The following C12orf42 variants were observed in gnomAD, a reference collection of about 807,000 sequenced individuals.
C12orf42 encodes chromosome 12 open reading frame 42, also known as uncharacterized protein C12orf42.
In C12orf42, 25 loss-of-function variants were observed where a neutral mutation model predicts 21.6. That is an observed-to-expected ratio of 1.16 (90% CI 0.84 to 1.62). C12orf42 has a LOEUF of 1.62. C12orf42 is among the 40% of genes most tolerant of loss of function. The probability of loss-of-function intolerance (pLI) is 0.00; values close to 1 mark genes in which losing one functional copy is unlikely to be tolerated. For missense variants in C12orf42, 483 were observed against 459.3 expected (o/e 1.05, Z -0.47); for synonymous variants, 174 against 175.0 (o/e 0.99, Z 0.05).
chr12:103,104,016 A>G, the C12orf42 span, among the ~76,000 whole-genome samples: 1 of 152,202 alleles, frequency 6.6e-6, no homozygotes, highest in African/African-American at 2.4e-5. Flanking sequence ...CCCAGCTTAT[A>G]TACATCATTT....
the C12orf42 span, among the ~76,000 whole-genome samples, chr12:103,166,882 G>T: frequency 6.6e-6 from 1 of 152,006 alleles, no homozygotes; most frequent in African/African-American, 2.4e-5. Context: ...ATAGAGCTTG[G>T]CACTTAGTAA....
the C12orf42 span, among the ~76,000 whole-genome samples, chr12:103,202,135 C>G: frequency 1.3e-5 from 2 of 152,168 alleles, no homozygotes; most frequent in African/African-American, 2.4e-5. Context: ...TTCTCTAAAC[C>G]TACGATTTCC....
the C12orf42 span, among the ~76,000 whole-genome samples, chr12:103,072,454 A>G: frequency 6.6e-6 from 1 of 152,258 alleles, no homozygotes; most frequent in African/African-American, 2.4e-5. Context: ...TAAAAAAAAA[A>G]AAGAAAATAC....
the C12orf42 span, among the ~76,000 whole-genome samples, chr12:103,519,868 C>A: frequency 6.6e-6 from 1 of 152,060 alleles, no homozygotes; most frequent in East Asian, 1.9e-4. Context: ...ATCTGAATAA[C>A]CCATGTTGAG....
At chr12:103,315,678 T>C (rs1448069680) in intron 4 of C12orf42, among the ~76,000 whole-genome samples, 1 of 152,098 alleles carries the variant, frequency 6.6e-6, no homozygotes, top group Non-Finnish European at 1.5e-5. Context: ...TTCCTAAAAT[T>C]AATGACAGAC....
chr12:103,539,630 A>C, the C12orf42 span, among the ~76,000 whole-genome samples: 2 of 150,994 alleles, frequency 1.3e-5, no homozygotes, highest in Non-Finnish European at 2.9e-5. Flanking sequence ...CCAGGGCTGG[A>C]GTGCAGTGGC....
the C12orf42 span, among the ~76,000 whole-genome samples, chr12:103,129,804 G>A: frequency 1.3e-5 from 2 of 152,142 alleles, no homozygotes; most frequent in Non-Finnish European, 2.9e-5. Flanking sequence ...GCACTAAGTG[G>A]CCTTCCAGCT....
chr12:103,538,122 G>A, the C12orf42 span, among the ~76,000 whole-genome samples: 1 of 152,164 alleles, frequency 6.6e-6, no homozygotes, highest in Non-Finnish European at 1.5e-5. Flanking sequence ...ACATTCACAG[G>A]GAGATTGTGG....
the C12orf42 span, among the ~76,000 whole-genome samples, chr12:103,177,878 C>T: frequency 0.35 from 52,056 of 147,642 alleles, 9,834 homozygotes; most frequent in Non-Finnish European, 0.44. Flanking sequence ...TGTGTGTGCG[C>T]GCGCGCTAAC....
the C12orf42 span, among the ~76,000 whole-genome samples, chr12:103,070,457 T>C: frequency 6.6e-6 from 1 of 151,828 alleles, no homozygotes; most frequent in Admixed American, 6.6e-5. Flanking sequence ...ATGTTGACTT[T>C]CAAATTCCAG....
At chr12:103,557,488 C>T in the C12orf42 span, 1 of 152,228 alleles carries the variant, frequency 6.6e-6, no homozygotes, top group East Asian at 1.9e-4. Context: ...GCCTGGAGGT[C>T]TCCTCTGGTC....
the C12orf42 span, among the ~76,000 whole-genome samples, chr12:103,111,652 T>A: frequency 1.5e-4 from 23 of 152,206 alleles, no homozygotes; most frequent in African/African-American, 5.3e-4. Flanking sequence ...CATGTACGAG[T>A]TTAGGGGCAT....
the C12orf42 span, among the ~76,000 whole-genome samples, chr12:103,550,181 A>G: frequency 1.3e-5 from 2 of 152,240 alleles, no homozygotes; most frequent in South Asian, 2.1e-4. Context: ...TAATATTTTA[A>G]CGAATTTCCT....
the C12orf42 span, among the ~76,000 whole-genome samples, chr12:103,203,737 T>C: frequency 2.0e-5 from 3 of 152,162 alleles, no homozygotes; most frequent in African/African-American, 7.2e-5. Context: ...AGTATCTAGC[T>C]AGCAACAAAA....
At chr12:103,288,117 C>T (rs549908141) in intron 4 of C12orf42, among the ~76,000 whole-genome samples, 8 of 152,252 alleles carry the variant, frequency 5.3e-5, no homozygotes, top group African/African-American at 1.9e-4. Context: ...TTTTCAAACT[C>T]GGGGAACTGA....
At chr12:103,534,355 T>C in the C12orf42 span, among the ~76,000 whole-genome samples, 474 of 152,230 alleles carry the variant, frequency 3.1e-3, 1 homozygote, top group African/African-American at 0.011. Flanking sequence ...TGTTTTCCTA[T>C]TCCTGCAATT....
At chr12:103,275,740 A>ATTT (rs202030025) in intron 5 of C12orf42, among the ~76,000 whole-genome samples, 1,591 of 139,728 alleles carry the variant, frequency 0.011, 10 homozygotes, top group Middle Eastern at 0.023. Context: ...ATCAAGTAGG[A>ATTT]TTTTTTTTTT....
chr12:103,242,269 C>T (rs2136170814), intron 10 of C12orf42, among the ~76,000 whole-genome samples: 1 of 152,276 alleles, frequency 6.6e-6, no homozygotes, highest in African/African-American at 2.4e-5. Flanking sequence ...GGTAAGGACA[C>T]TCTAGATTGC....
At chr12:103,069,030 T>C in the C12orf42 span, among the ~76,000 whole-genome samples, 5 of 135,786 alleles carry the variant, frequency 3.7e-5, no homozygotes, top group African/African-American at 1.3e-4. Context: ...CCCTGACTAA[T>C]ACATGCTGAT....
Sources: gnomAD v4.1 joint callset for allele counts (sites outside exome capture counted in the v4.1 genomes callset) on GRCh38, gnomAD v4.1.1 for gene constraint, MANE v1.5 for transcripts, NCBI Gene and HGNC (gene_info 2026-07-23, HGNC 2026-07-21) for gene names.